The following DLGAP4 variants were observed in gnomAD, a reference collection of about 807,000 sequenced individuals.
DLGAP4 encodes disks large-associated protein 4.
In DLGAP4, 18 loss-of-function variants were observed where a neutral mutation model predicts 86.9. The observed-to-expected ratio is 0.21, with a 90% CI of 0.14 to 0.31. The LOEUF (loss-of-function observed/expected upper bound fraction) is 0.31, where lower values mean the gene tolerates loss of function less well. Ranked by LOEUF, DLGAP4 falls within the 10% of genes least tolerant of loss-of-function variation. The probability of loss-of-function intolerance (pLI) is 1.00; values close to 1 mark genes in which losing one functional copy is unlikely to be tolerated. For missense variants in DLGAP4, 1,085 were observed against 1,362.6 expected, an observed-to-expected ratio of 0.80 and a Z score of 3.21; for synonymous variants, 548 against 574.3, an observed-to-expected ratio of 0.95 and a Z score of 0.65.
intron 1 of DLGAP4, among the ~76,000 whole-genome samples, chr20:36,322,973 G>A (rs1373113736): frequency 2.6e-5 from 4 of 151,728 alleles, no homozygotes; most frequent in African/African-American, 7.3e-5. Flanking sequence ...CCAGGAGTTC[G>A]AGACCAGCCT....
chr20:36,431,584 C>T lies in DLGAP4; in HGVS notation c.-72-62C>T, dbSNP rs2033130890. 7 of 1,035,336 alleles carry T rather than the reference C, an allele frequency of 6.8e-6. No individual in the cohort carries two copies. The highest frequency in any genetic ancestry group is 2.9e-5 in the Admixed American group (1 of 34,212). The allele number at this position is 1,035,336 out of a possible 1,614,324, so 64.1% of individuals were successfully genotyped here. ...AGCCTTGCGATCTGGATCTGACCTT[C>T]CCGGCACCCCTCCCCGACAATCCAG... is the stretch of plus-strand genomic sequence containing the variant. On this transcript the variant is annotated intron_variant, in intron 2 of 12. Coordinates refer to ENST00000339266, the MANE Select transcript of DLGAP4 (RefSeq NM_001365621.2). The surrounding 1 kb of genome is among the most constrained non-coding windows in gnomAD (Gnocchi z 5.1).
At chr20:36,320,106 G>T (rs1242829345) in intron 1 of DLGAP4, among the ~76,000 whole-genome samples, 1 of 102,090 alleles carries the variant, frequency 9.8e-6, no homozygotes, top group Non-Finnish European at 1.8e-5. Flanking sequence ...CCTCTGTGTC[G>T]CATTCCCCTA....
At chr20:36,400,852 G>C (rs2032137634) in intron 2 of DLGAP4, among the ~76,000 whole-genome samples, 1 of 152,150 alleles carries the variant, frequency 6.6e-6, no homozygotes, top group Admixed American at 6.5e-5. Context: ...ATGAAAACCA[G>C]GTGCGGAGTT....
At chr20:36,373,552 G>A (rs1438264828) in intron 2 of DLGAP4, among the ~76,000 whole-genome samples, 1 of 152,064 alleles carries the variant, frequency 6.6e-6, no homozygotes, top group Non-Finnish European at 1.5e-5. Context: ...AGCTGGGGGT[G>A]GGGTCAATAC....
intron 1 of DLGAP4, among the ~76,000 whole-genome samples, chr20:36,339,044 A>G (rs2065350323): frequency 6.6e-6 from 1 of 152,232 alleles, no homozygotes; most frequent in African/African-American, 2.4e-5. Flanking sequence ...TCTCAAGAGC[A>G]GTAGGGAGCC....
At chr20:36,473,815 C>T (rs182192212) in intron 7 of DLGAP4, among the ~76,000 whole-genome samples, 27 of 152,208 alleles carry the variant, frequency 1.8e-4, no homozygotes, top group African/African-American at 6.5e-4. Context: ...AAGTACAGAG[C>T]TGGAGTCCAG....
chr20:36,497,496 T>A, intron 8 of DLGAP4: 1 of 1,019,034 alleles, frequency 9.8e-7, no homozygotes, highest in Non-Finnish European at 1.2e-6. Context: ...AGGAGCAGCA[T>A]GGAGCATAGA....
At chr20:36,360,960 G>A (rs2030499150) in intron 1 of DLGAP4, among the ~76,000 whole-genome samples, 1 of 152,022 alleles carries the variant, frequency 6.6e-6, no homozygotes, top group Non-Finnish European at 1.5e-5. Context: ...AGGTGACCTC[G>A]GGCTGCACAG....
At chr20:36,506,407 C>T (rs1435997792) in intron 10 of DLGAP4, among the ~76,000 whole-genome samples, 1 of 152,192 alleles carries the variant, frequency 6.6e-6, no homozygotes, top group Non-Finnish European at 1.5e-5. Flanking sequence ...GATAACCACA[C>T]CAGAACTCCT....
At chr20:36,339,092 T>G (rs909585528) in intron 1 of DLGAP4, among the ~76,000 whole-genome samples, 26 of 152,310 alleles carry the variant, frequency 1.7e-4, no homozygotes, top group Admixed American at 1.6e-3. Flanking sequence ...TGATCTGGTG[T>G]GCATTCATTT....
intron 2 of DLGAP4, among the ~76,000 whole-genome samples, chr20:36,382,729 C>T (rs1384172825): frequency 6.6e-6 from 1 of 151,800 alleles, no homozygotes; most frequent in Non-Finnish European, 1.5e-5. Context: ...AGGGTTTCAC[C>T]ATGTTGGTCA....
At chr20:36,484,252 C>CT (rs1411980820) in intron 7 of DLGAP4, among the ~76,000 whole-genome samples, 2 of 152,246 alleles carry the variant, frequency 1.3e-5, no homozygotes, top group Non-Finnish European at 1.5e-5. Context: ...GTCCAGCCCT[C>CT]TGTCAGTGGG....
At chr20:36,484,990 G>A (rs1460482517) in intron 7 of DLGAP4, among the ~76,000 whole-genome samples, 1 of 152,160 alleles carries the variant, frequency 6.6e-6, no homozygotes, top group Non-Finnish European at 1.5e-5. Context: ...TTTCAGGGTA[G>A]ATGTGATATT....
chr20:36,435,116 T>C (rs2033236401), intron 3 of DLGAP4, among the ~76,000 whole-genome samples: 2 of 152,002 alleles, frequency 1.3e-5, no homozygotes, highest in Non-Finnish European at 2.9e-5. Flanking sequence ...TGCTGGTGTG[T>C]GTCCTTGGTG....
At chr20:36,361,462 G>A (rs1445046546) in intron 1 of DLGAP4, among the ~76,000 whole-genome samples, 4 of 152,124 alleles carry the variant, frequency 2.6e-5, no homozygotes, top group African/African-American at 9.7e-5. Flanking sequence ...AAGGATTTTG[G>A]CTTTTCAGGC....
chr20:36,528,181 T>A lies in DLGAP4; in HGVS notation c.*1150T>A, dbSNP rs907529812. The A allele has an allele frequency of 4.2e-5, 6 of 141,666 alleles. No homozygotes were observed. Among genetic ancestry groups the A allele is most frequent in the African/African-American group, 1.7e-4 (6 of 35,172 alleles). 8.8% of individuals were successfully genotyped at this position (141,666 alleles called of 1,614,324 possible). A position where few individuals can be genotyped will look rare whatever the true frequency, so the allele number is the denominator to read the frequency against. ...CCCCCCTCCCCCCGCCCCGCACTCC[T>A]AAGGGCCCATCTGCCCAGCCTCTGA... On this transcript the variant is annotated 3_prime_UTR_variant, in exon 13 of 13. Coordinates refer to ENST00000339266, the MANE Select transcript of DLGAP4 (RefSeq NM_001365621.2).
intron 2 of DLGAP4, among the ~76,000 whole-genome samples, chr20:36,427,834 T>TC (rs2033020583): frequency 2.0e-5 from 3 of 151,570 alleles, no homozygotes. Context: ...TCCCGGCTAC[T>TC]AGTTAGGCTG....
chr20:36,334,189 G>A (rs2065298312), intron 1 of DLGAP4, among the ~76,000 whole-genome samples: 6 of 152,214 alleles, frequency 3.9e-5, no homozygotes, highest in Admixed American at 3.9e-4. Context: ...ACCAGAAATT[G>A]ACAAAAATGC....
chr20:36,407,543 G>T lies in DLGAP4; in HGVS notation c.-72-24103G>T, dbSNP rs1194385977. On this transcript the variant is annotated intron_variant, in intron 2 of 12. Transcript: ENST00000339266. ...GCTGGAGGGGTGACTCAAGCACCATGTAGCCCTGAGAGTCAGAAGAAAGGG... is the reference window on the plus strand; with the variant it reads ...GCTGGAGGGGTGACTCAAGCACCATTTAGCCCTGAGAGTCAGAAGAAAGGG... Among the ~76,000 whole-genome samples the T allele has an allele frequency of 2.0e-5, 3 of 152,152 alleles. No homozygotes were observed. The East Asian group carries it at 5.8e-4, about 29-fold the overall frequency.
Sources: allele counts gnomAD v4.1 joint callset (sites outside exome capture counted in the v4.1 genomes callset), GRCh38; gene constraint gnomAD v4.1.1; non-coding constraint Gnocchi (gnomAD v3.1); transcripts MANE v1.5; gene names NCBI Gene and HGNC (gene_info 2026-07-23, HGNC 2026-07-21).